RASA1: variants seen among roughly 807,000 people sequenced by gnomAD.
The protein encoded by RASA1 is ras GTPase-activating protein 1.
In RASA1, 25 loss-of-function variants were observed where a neutral mutation model predicts 132.2. The ratio of observed to expected loss-of-function variants is 0.19; its 90% confidence interval spans 0.14 to 0.26. The LOEUF is 0.26. RASA1 is among the 10% of genes least tolerant of loss of function. The pLI, the probability that RASA1 is intolerant of heterozygous loss-of-function variation, is 1.00. For missense variants in RASA1, 964 were observed against 1,299.2 expected, an observed-to-expected ratio of 0.74 and a Z score of 3.97; for synonymous variants, 477 against 449.9, an observed-to-expected ratio of 1.06 and a Z score of -0.76.
chr5:87,338,536 A>ATATATATATATATTTTT, intron 5 of RASA1, among the ~76,000 whole-genome samples: 11 of 85,214 alleles, frequency 1.3e-4, no homozygotes, highest in Admixed American at 7.8e-4. Flanking sequence ...TATATATAAA[A>ATATATATATATATTTTT]TTTTTTTTTT....
At chr5:87,315,772 G>T (rs887394106) in intron 1 of RASA1, among the ~76,000 whole-genome samples, 10 of 152,070 alleles carry the variant, frequency 6.6e-5, no homozygotes, top group Non-Finnish European at 1.2e-4. Context: ...TTGTATATTA[G>T]TAATCAAGCA....
chr5:87,288,340 A>G (rs1032296823), intron 1 of RASA1, among the ~76,000 whole-genome samples: 1 of 151,972 alleles, frequency 6.6e-6, no homozygotes, highest in African/African-American at 2.4e-5. Context: ...AATATGACAA[A>G]AAATAAAGAT....
intron 9 of RASA1, among the ~76,000 whole-genome samples, chr5:87,354,881 C>T (rs1311879541): frequency 6.6e-6 from 1 of 152,122 alleles, no homozygotes; most frequent in Non-Finnish European, 1.5e-5. Flanking sequence ...TTTGAGTGGT[C>T]TGGATTGAAG....
chr5:87,301,653 G>A (rs1363698386), intron 1 of RASA1, among the ~76,000 whole-genome samples: 1 of 151,922 alleles, frequency 6.6e-6, no homozygotes, highest in Non-Finnish European at 1.5e-5. Flanking sequence ...CGTATTTTTG[G>A]GGGGCTTTAT....
At chr5:87,384,747 C>T (rs1340681803) in intron 21 of RASA1, among the ~76,000 whole-genome samples, 1 of 152,048 alleles carries the variant, frequency 6.6e-6, no homozygotes, top group East Asian at 1.9e-4. Context: ...ATCTGTGTTC[C>T]ACAGGGAAGT....
At chr5:87,338,274 A>C (rs1758124102) in intron 5 of RASA1, among the ~76,000 whole-genome samples, 183 bp downstream of exon 5, 1 of 151,910 alleles carries the variant, frequency 6.6e-6, no homozygotes, top group Non-Finnish European at 1.5e-5. Flanking sequence ...ATATTATAAT[A>C]CATAGCTGCC....
At chr5:87,303,623 C>G (rs1755475379) in intron 1 of RASA1, among the ~76,000 whole-genome samples, 1 of 151,826 alleles carries the variant, frequency 6.6e-6, no homozygotes, top group Non-Finnish European at 1.5e-5. Flanking sequence ...ATTTAGTTCC[C>G]TTGAGAGAAC....
intron 1 of RASA1, among the ~76,000 whole-genome samples, chr5:87,296,962 C>CT (rs933044772): frequency 6.6e-6 from 1 of 151,724 alleles, no homozygotes; most frequent in South Asian, 2.1e-4. Context: ...TTTTTCCTCT[C>CT]TTTTTTTTCT....
chr5:87,389,420 G>C lies in RASA1; in HGVS notation c.2953G>C (p.Glu985Gln), dbSNP rs770544719. Residue 985 changes from glutamate (E) to glutamine (Q), a missense_variant, in exon 24 of 25, where the codon GAG (glutamate) becomes CAG (glutamine). By Grantham distance (29) the Glu-to-Gln change is conservative. This residue lies in a region of RASA1 where 107 missense variants were observed against 163.8 expected (regional missense o/e 0.65). Coordinates refer to ENST00000274376, the MANE Select transcript of RASA1 (RefSeq NM_002890.3). ...GNVPELPDTTEHSRTDLSRDL... is the reference protein window; with the variant it reads ...GNVPELPDTTQHSRTDLSRDL... ...TGTACCTGAACTTCCGGACACTACA[G>C]AGCATTCTAGAACGGACCTGTCCCG... 6.2e-7 allele frequency: 1 copy of C among 1,614,126 alleles called. No individual in the cohort carries two copies. The highest frequency in any genetic ancestry group is 8.5e-7 in the Non-Finnish European group (1 of 1,179,964).
rs147567446 is a variant in RASA1 at position 87,327,776 on chromosome 5, C to T, written c.540-3572C>T. Among the ~76,000 whole-genome samples the T allele has an allele frequency of 3.3e-5, 5 of 152,076 alleles. No individual in the cohort carries two copies. In the South Asian group the frequency reaches 1.0e-3, roughly 32 times the overall value. On this transcript the variant is annotated intron_variant, in intron 1 of 24. Coordinates refer to ENST00000274376, the MANE Select transcript of RASA1 (RefSeq NM_002890.3). ...GGTCAGTAGCTCGGGACCAGCCTGG[C>T]CAACATGGTGAAACCCCGTCTCTAC...
rs560394191 is a variant in RASA1 at position 87,281,882 on chromosome 5, A to G, written c.539+12892A>G. The stretch of plus-strand genomic sequence containing the variant: ...AGGTGTGAGCCACCGCCCCCAGCCT[A>G]TTGCCTATTTTCGAGTTGAGTTTTT... On this transcript the variant is annotated intron_variant, in intron 1 of 24. Coordinates refer to ENST00000274376, the MANE Select transcript of RASA1 (RefSeq NM_002890.3). 1.6e-4 allele frequency among the ~76,000 whole-genome samples: 24 copies of G among 152,094 alleles called. No individual in the cohort carries two copies. The East Asian group carries it at 4.3e-3, about 27-fold the overall frequency.
At chr5:87,390,747 G>C in intron 24 of RASA1, 53 bp from the exon 25 acceptor site, 1 of 1,484,462 alleles carries the variant, frequency 6.7e-7, no homozygotes, top group Non-Finnish European at 9.4e-7. Context: ...TTCCCATCCT[G>C]AAATTGCTGA....
Position 87,372,113 on chromosome 5 carries a change from T to C in RASA1, c.1699-5T>C. ...ATTTCTTTGAAGTGCTGTTTTTCTT[T>C]GCAGGATTGGATGAAAGGTCTGCAG... On this transcript the variant is annotated splice_region_variant and splice_polypyrimidine_tract_variant and intron_variant, in intron 12 of 24. Coordinates refer to ENST00000274376, the MANE Select transcript of RASA1 (RefSeq NM_002890.3). 6.2e-7 allele frequency: 1 copy of C among 1,612,994 alleles called. No homozygotes were observed. Among genetic ancestry groups the C allele is most frequent in the African/African-American group, 1.3e-5 (1 of 74,976 alleles).
At chr5:87,287,782 G>A (rs1203468557) in intron 1 of RASA1, among the ~76,000 whole-genome samples, 9,113 of 38,382 alleles carry the variant, frequency 0.24, 3,541 homozygotes, top group East Asian at 0.31. Context: ...TACCATATAT[G>A]TACACGCCAT....
At chr5:87,364,789 A>T (rs1057294451) in intron 11 of RASA1, among the ~76,000 whole-genome samples, 2 of 152,148 alleles carry the variant, frequency 1.3e-5, no homozygotes, top group African/African-American at 4.8e-5. Flanking sequence ...TCCCATAATT[A>T]TTAAAAAATC....
intron 5 of RASA1, among the ~76,000 whole-genome samples, chr5:87,338,504 TA>T (rs1758149810): frequency 1.7e-4 from 2 of 11,926 alleles, no homozygotes; most frequent in East Asian, 1.8e-3. Context: ...GCTAATTTTA[TA>T]TATATATATA....
intron 1 of RASA1, among the ~76,000 whole-genome samples, chr5:87,281,243 CTTT>C (rs1162398873): frequency 1.4e-5 from 2 of 140,254 alleles, no homozygotes; most frequent in Admixed American, 7.2e-5. Context: ...CTTGCCAACA[CTTT>C]TTTTTTTTTT....
chr5:87,376,275 C>T, intron 15 of RASA1, 118 bp from the exon 16 acceptor site: 3 of 1,191,972 alleles, frequency 2.5e-6, no homozygotes, highest in Admixed American at 4.2e-5. Context: ...TTACTGAAAA[C>T]TCCTTTAATG....
At chr5:87,321,155 A>G (rs528722794) in intron 1 of RASA1, among the ~76,000 whole-genome samples, 9 of 152,332 alleles carry the variant, frequency 5.9e-5, no homozygotes, top group East Asian at 1.9e-4. Flanking sequence ...AATAATTTCA[A>G]TGATACTGGA....
Sources: allele counts gnomAD v4.1 joint callset (sites outside exome capture counted in the v4.1 genomes callset), GRCh38; gene constraint gnomAD v4.1.1; regional missense constraint gnomAD v4.1.1; transcripts MANE v1.5; gene names NCBI Gene and HGNC (gene_info 2026-07-23, HGNC 2026-07-21).